The following COLQ variants were observed in gnomAD, a reference collection of about 807,000 sequenced individuals.
COLQ encodes acetylcholinesterase collagenic tail peptide.
COLQ carries 48 observed loss-of-function variants against 69.0 expected under a neutral mutation model. The ratio of observed to expected loss-of-function variants is 0.70; its 90% CI spans 0.55 to 0.88. The LOEUF (loss-of-function observed/expected upper bound fraction) is 0.88. Among genes scored for constraint, COLQ ranks in the 40% least tolerant of loss-of-function variants. COLQ has a pLI of 0.00. For missense variants in COLQ, 618 were observed against 594.6 expected (o/e 1.04, Z -0.41); for synonymous variants, 217 against 211.2 (o/e 1.03, Z -0.24).
At chr3:15,488,966 A>T (rs769104455) in intron 2 of COLQ, among the ~76,000 whole-genome samples, 5 of 152,170 alleles carry the variant, frequency 3.3e-5, no homozygotes, top group Non-Finnish European at 5.9e-5. Flanking sequence ...AGAGCTGAGA[A>T]TCCCAAGTCC....
intron 12 of COLQ, among the ~76,000 whole-genome samples, chr3:15,458,824 T>G (rs2062063967): frequency 6.6e-6 from 1 of 152,216 alleles, no homozygotes; most frequent in African/African-American, 2.4e-5. Context: ...TTTAAAAAAC[T>G]TTTGTTTTTC....
chr3:15,498,785 G>A, intron 1 of COLQ: 1 of 1,498,908 alleles, frequency 6.7e-7, no homozygotes, highest in Non-Finnish European at 8.9e-7. Context: ...GAGTAGCAAT[G>A]GGTAGGCAGC....
Position 15,481,158 on chromosome 3 carries a change from G to A in COLQ, c.322-1776C>T, listed in dbSNP as rs540266216. On this transcript the variant is annotated intron_variant, in intron 3 of 16. Coordinates refer to ENST00000383788, the MANE Select transcript of COLQ (RefSeq NM_005677.4). ...TTTTCTCCCATTCTGTAGGTTGCCT[G>A]TTCACTCTGATGGTAGTTTCTTTTG... Among the ~76,000 whole-genome samples the A allele has an allele frequency of 2.0e-5, 3 of 152,290 alleles. No homozygotes were observed. The South Asian group carries it at 6.2e-4, about 32-fold the overall frequency.
chr3:15,510,961 G>T (rs2062978096), intron 1 of COLQ, among the ~76,000 whole-genome samples: 1 of 152,302 alleles, frequency 6.6e-6, no homozygotes, highest in Non-Finnish European at 1.5e-5. Context: ...AGAGCTGTGT[G>T]AATGGGAACT....
At chr3:15,483,680 G>A (rs2062528055) in intron 3 of COLQ, among the ~76,000 whole-genome samples, 1 of 152,234 alleles carries the variant, frequency 6.6e-6, no homozygotes, top group African/African-American at 2.4e-5. Context: ...TGAGAAGAAT[G>A]TATATTCTGT....
intron 1 of COLQ, among the ~76,000 whole-genome samples, chr3:15,507,681 T>C (rs2062929975): frequency 6.6e-6 from 1 of 152,106 alleles, no homozygotes; most frequent in African/African-American, 2.4e-5. Flanking sequence ...TCTCAAACAC[T>C]TGGGCTCAAG....
chr3:15,452,641 C>A (rs2061965394), intron 16 of COLQ, among the ~76,000 whole-genome samples: 1 of 152,138 alleles, frequency 6.6e-6, no homozygotes, highest in Non-Finnish European at 1.5e-5. Flanking sequence ...CTCTGTGGAG[C>A]CATGAAGAGC....
intron 12 of COLQ, among the ~76,000 whole-genome samples, chr3:15,460,223 C>G (rs1033086521): frequency 2.6e-5 from 4 of 152,282 alleles, no homozygotes; most frequent in Non-Finnish European, 5.9e-5. Flanking sequence ...TCCACCAGGG[C>G]TTACACAAAG....
intron 1 of COLQ, among the ~76,000 whole-genome samples, chr3:15,515,322 G>A (rs1198124448): frequency 4.6e-5 from 7 of 152,276 alleles, no homozygotes; most frequent in Non-Finnish European, 1.0e-4. Flanking sequence ...TGCATGAAAT[G>A]AGCTCTTCAC....
At chr3:15,519,073 T>A (rs1228862191) in intron 1 of COLQ, among the ~76,000 whole-genome samples, 1 of 152,188 alleles carries the variant, frequency 6.6e-6, no homozygotes, top group Non-Finnish European at 1.5e-5. Flanking sequence ...TGAACTGTGC[T>A]ATCATAAAGC....
At chr3:15,509,987 A>T (rs1485559878) in intron 1 of COLQ, among the ~76,000 whole-genome samples, 1 of 152,030 alleles carries the variant, frequency 6.6e-6, no homozygotes, top group African/African-American at 2.4e-5. Flanking sequence ...CCTGGCTAAC[A>T]TGGTGAAACC....
At chr3:15,495,433 T>A (rs2062733384) in intron 1 of COLQ, among the ~76,000 whole-genome samples, 1 of 152,118 alleles carries the variant, frequency 6.6e-6, no homozygotes, top group Admixed American at 6.5e-5. Flanking sequence ...TAGAAGAGAG[T>A]GGAGCAAGAC....
chr3:15,516,710 C>T (rs1400776010), intron 1 of COLQ, among the ~76,000 whole-genome samples: 1 of 152,186 alleles, frequency 6.6e-6, no homozygotes, highest in Non-Finnish European at 1.5e-5. Flanking sequence ...AGATCCTTAA[C>T]CTCCATTAAA....
At chr3:15,520,703 T>A (rs959602814) in intron 1 of COLQ, among the ~76,000 whole-genome samples, 11 of 152,204 alleles carry the variant, frequency 7.2e-5, no homozygotes, top group African/African-American at 2.7e-4. Flanking sequence ...TAGGCCATAC[T>A]AGTAACCGAA....
At chr3:15,466,493 C>T in intron 11 of COLQ, 56 bp from the exon 12 acceptor site, 1 of 1,435,296 alleles carries the variant, frequency 7.0e-7, no homozygotes, top group South Asian at 1.2e-5. Context: ...AAGCTTCCCG[C>T]CCCATTTATC....
Position 15,511,656 on chromosome 3 carries a change from C to G in COLQ, c.106+9864G>C, listed in dbSNP as rs913325990. 3.3e-5 allele frequency among the ~76,000 whole-genome samples: 5 copies of G among 152,284 alleles called. No homozygotes were observed. The East Asian group carries it at 9.6e-4, about 29-fold the overall frequency. On this transcript the variant is annotated intron_variant, in intron 1 of 16. Coordinates refer to ENST00000383788, the MANE Select transcript of COLQ (RefSeq NM_005677.4). Reference sequence around the variant, plus strand: ...CCATGACCTTGCTCCACGCAGCTCTCGAGAAGATCGACAGAAGGAAAACAG... The same window carrying G: ...CCATGACCTTGCTCCACGCAGCTCTGGAGAAGATCGACAGAAGGAAAACAG...
At chr3:15,502,893 C>G (rs2062852130) in intron 1 of COLQ, among the ~76,000 whole-genome samples, 1 of 152,212 alleles carries the variant, frequency 6.6e-6, no homozygotes, top group African/African-American at 2.4e-5. Flanking sequence ...ATGACCCATG[C>G]TCAGCATTTC....
rs547278083 is a variant in COLQ, at chr3:15,473,549, C to T, written c.636+451G>A. On this transcript the variant is annotated intron_variant, in intron 10 of 16. Coordinates refer to ENST00000383788, the MANE Select transcript of COLQ (RefSeq NM_005677.4). This position sits in a 1 kb window ranked among gnomAD's most constrained non-coding sequence, Gnocchi z 4.0. ...TTTTGTGTCCTTCTGGCAGTATGTG[C>T]ACCGCCCTTGAAGAAGGACTGCAAT... is the stretch of plus-strand genomic sequence containing the variant. 5.3e-5 allele frequency among the ~76,000 whole-genome samples: 8 copies of T among 152,268 alleles called. No individual in the cohort carries two copies. The South Asian group carries it at 1.7e-3, about 32-fold the overall frequency.
intron 3 of COLQ, among the ~76,000 whole-genome samples, chr3:15,487,535 A>G (rs926854769): frequency 7.9e-5 from 12 of 152,096 alleles, no homozygotes; most frequent in African/African-American, 2.7e-4. Flanking sequence ...CCTGCATGGG[A>G]AGGCACTTGG....
Sources: gnomAD v4.1 joint callset for allele counts (sites outside exome capture counted in the v4.1 genomes callset) on GRCh38, gnomAD v4.1.1 for gene constraint, Gnocchi (gnomAD v3.1) non-coding constraint, MANE v1.5 for transcripts, NCBI Gene and HGNC (gene_info 2026-07-23, HGNC 2026-07-21) for gene names.